HNRNPA1L2: variants seen among roughly 807,000 people sequenced by gnomAD.
The protein encoded by HNRNPA1L2 is heterogeneous nuclear ribonucleoprotein A1-like 2.
HNRNPA1L2 carries 10 observed loss-of-function variants against 18.2 expected under a neutral mutation model. That is an observed-to-expected ratio of 0.55 (90% CI 0.34 to 0.93). The LOEUF is 0.93. Ranked by LOEUF, HNRNPA1L2 falls within the 40% of genes least tolerant of loss-of-function variation. HNRNPA1L2 has a pLI of 0.02. For synonymous variants in HNRNPA1L2, 124 were observed against 138.6 expected, an observed-to-expected ratio of 0.89 and a Z score of 0.74; for missense variants, 308 against 394.4, an observed-to-expected ratio of 0.78 and a Z score of 1.85.
At chr13:52,627,844 G>C in the HNRNPA1L2 span, among the ~76,000 whole-genome samples, 136 of 152,276 alleles carry the variant, frequency 8.9e-4, 1 homozygote, top group Non-Finnish European at 1.2e-3. Context: ...GATAAATTCA[G>C]TAATGTTATT....
chr13:52,619,930 A>G, the HNRNPA1L2 span, among the ~76,000 whole-genome samples: 3 of 151,062 alleles, frequency 2.0e-5, no homozygotes, highest in Non-Finnish European at 4.4e-5. Context: ...AAAAAAAAAA[A>G]AAAAAAAAAA....
chr13:52,631,359 T>C, the HNRNPA1L2 span, among the ~76,000 whole-genome samples: 1 of 152,244 alleles, frequency 6.6e-6, no homozygotes, highest in Non-Finnish European at 1.5e-5. Flanking sequence ...ATAAACTCTC[T>C]GGTACATAGT....
chr13:52,621,874 A>C, the HNRNPA1L2 span: 3 of 152,258 alleles, frequency 2.0e-5, no homozygotes, highest in African/African-American at 7.2e-5. Flanking sequence ...GTTGTTAATA[A>C]TTATAAAAAG....
the HNRNPA1L2 span, among the ~76,000 whole-genome samples, chr13:52,618,822 C>T: frequency 6.6e-6 from 1 of 152,118 alleles, no homozygotes; most frequent in African/African-American, 2.4e-5. Flanking sequence ...GAAACAAACT[C>T]AGGTGGGAGG....
chr13:52,636,683 C>T, the HNRNPA1L2 span, among the ~76,000 whole-genome samples: 3 of 152,016 alleles, frequency 2.0e-5, no homozygotes, highest in African/African-American at 4.8e-5. Flanking sequence ...AAAAATAAGT[C>T]ACATATTGTA....
the HNRNPA1L2 span, among the ~76,000 whole-genome samples, chr13:52,621,224 C>T: frequency 2.0e-5 from 3 of 152,094 alleles, no homozygotes; most frequent in African/African-American, 7.2e-5. Context: ...TTGTGGTGTT[C>T]TCTTTCATAA....
At chr13:52,623,612 C>T in the HNRNPA1L2 span, among the ~76,000 whole-genome samples, 3 of 152,086 alleles carry the variant, frequency 2.0e-5, no homozygotes, top group African/African-American at 7.2e-5. Flanking sequence ...TGATTTTTGC[C>T]TCCCCTCCCC....
chr13:52,641,022 T>C (rs1961638398), upstream of HNRNPA1L2: 1 of 152,206 alleles, frequency 6.6e-6, no homozygotes, highest in African/African-American at 2.4e-5. Flanking sequence ...CATCATTTCT[T>C]ACAAGGAATA....
At chr13:52,636,656 TAAAC>T in the HNRNPA1L2 span, among the ~76,000 whole-genome samples, 2 of 152,290 alleles carry the variant, frequency 1.3e-5, no homozygotes, top group East Asian at 3.9e-4. Flanking sequence ...AGAGTTAAAA[TAAAC>T]AGTCTAGAGT....
chr13:52,635,239 C>T, the HNRNPA1L2 span, among the ~76,000 whole-genome samples: 25 of 152,044 alleles, frequency 1.6e-4, no homozygotes, highest in African/African-American at 5.6e-4. Flanking sequence ...AAGGCTTACC[C>T]AGGTAGAAGA....
upstream of HNRNPA1L2, among the ~76,000 whole-genome samples, chr13:52,639,129 C>G (rs36036857): frequency 5.6e-3 from 859 of 152,242 alleles, 2 homozygotes; most frequent in Non-Finnish European, 9.2e-3. Context: ...ATGATAGTTG[C>G]AAAGGCGATG....
the HNRNPA1L2 span, among the ~76,000 whole-genome samples, chr13:52,622,581 TA>T: frequency 6.6e-6 from 1 of 152,250 alleles, no homozygotes; most frequent in Non-Finnish European, 1.5e-5. Context: ...TTTAAGCTGT[TA>T]ATTAACAATA....
chr13:52,641,207 C>G (rs1366423530), upstream of HNRNPA1L2: 1 of 152,234 alleles, frequency 6.6e-6, no homozygotes, highest in African/African-American at 2.4e-5. Context: ...AAAGAAGGAC[C>G]TGTGATGCTG....
upstream of HNRNPA1L2, among the ~76,000 whole-genome samples, chr13:52,639,897 T>TTTTTTTTTTTGTTTTTTTTTTTG (rs1451652916): frequency 7.5e-6 from 1 of 133,642 alleles, no homozygotes; most frequent in African/African-American, 3.0e-5. Flanking sequence ...TTTTTTTTTG[T>TTTTTTTTTTTGTTTTTTTTTTTG]TTTTTTTTTT....
chr13:52,621,979 A>G, the HNRNPA1L2 span: 1 of 156,914 alleles, frequency 6.4e-6, no homozygotes, highest in Non-Finnish European at 1.4e-5. Context: ...TCTTTAATGC[A>G]TCTTTCCAGG....
At chr13:52,641,473 A>G (rs1345086868), upstream of HNRNPA1L2, 4 of 152,166 alleles carry the variant, frequency 2.6e-5, no homozygotes, top group African/African-American at 9.7e-5. Context: ...GAAGTGCCCA[A>G]CTGTCCTATC....
chr13:52,623,734 A>G, the HNRNPA1L2 span, among the ~76,000 whole-genome samples: 4 of 152,134 alleles, frequency 2.6e-5, no homozygotes, highest in Admixed American at 2.6e-4. Flanking sequence ...TTTGTATTAT[A>G]TATTAAATCC....
the HNRNPA1L2 span, among the ~76,000 whole-genome samples, chr13:52,620,289 T>C: frequency 1.3e-5 from 2 of 152,140 alleles, no homozygotes; most frequent in African/African-American, 4.8e-5. Flanking sequence ...CATTCCAAAC[T>C]TACAAACTAA....
upstream of HNRNPA1L2, among the ~76,000 whole-genome samples, chr13:52,638,290 C>T (rs192278436): frequency 3.1e-4 from 47 of 152,142 alleles, no homozygotes; most frequent in East Asian, 3.3e-3. Flanking sequence ...GTGCATTTGC[C>T]CTCTTAGGGG....
Sources: gnomAD v4.1 joint callset for allele counts (sites outside exome capture counted in the v4.1 genomes callset) on GRCh38, gnomAD v4.1.1 for gene constraint, MANE v1.5 for transcripts, NCBI Gene and HGNC (gene_info 2026-07-23, HGNC 2026-07-21) for gene names.